Variants in NRG3 observed in about 807,000 individuals in gnomAD.
NRG3 encodes neuregulin 3.
In NRG3, 31 loss-of-function variants were observed where a neutral mutation model predicts 66.9. The ratio of observed to expected loss-of-function variants is 0.46; its 90% CI spans 0.35 to 0.63. The LOEUF (loss-of-function observed/expected upper bound fraction) is 0.63, where lower values mean the gene tolerates loss of function less well. Among genes scored for constraint, NRG3 ranks in the 20% least tolerant of loss-of-function variants. NRG3 has a pLI of 0.00. For missense variants in NRG3, 910 were observed against 878.9 expected (o/e 1.04, Z -0.45); for synonymous variants, 393 against 359.4 (o/e 1.09, Z -1.06).
intron 1 of NRG3, among the ~76,000 whole-genome samples, chr10:82,295,975 G>T (rs985428674): frequency 1.3e-5 from 2 of 152,068 alleles, no homozygotes; most frequent in African/African-American, 4.8e-5. Context: ...TATAGTAAGT[G>T]CTGTGAAGAA....
intron 2 of NRG3, among the ~76,000 whole-genome samples, chr10:82,552,524 C>T (rs1325964079): frequency 1.3e-5 from 2 of 152,148 alleles, no homozygotes; most frequent in African/African-American, 4.8e-5. Context: ...TATTATTCAG[C>T]GTAATGCTCC....
At chr10:82,916,764 T>A (rs186087702) in intron 4 of NRG3, among the ~76,000 whole-genome samples, 80 of 152,156 alleles carry the variant, frequency 5.3e-4, no homozygotes, top group East Asian at 2.5e-3. Flanking sequence ...TATAGGCGCG[T>A]GCCACCACGC....
chr10:81,892,270 A>G lies in NRG3; in HGVS notation c.823+16107A>G, dbSNP rs1194978175. ...ACACACACTTTATGTAAATATATAC[A>G]TATATGTAGGGGTATATATATATAC... is the stretch of plus-strand genomic sequence containing the variant. On this transcript the variant is annotated intron_variant, in intron 1 of 8. Transcript: ENST00000372141. 2.0e-5 allele frequency among the ~76,000 whole-genome samples: 3 copies of G among 152,080 alleles called. No homozygotes were observed. In the East Asian group the frequency reaches 5.8e-4, roughly 29 times the overall value.
rs367558771 is a variant in NRG3, at chr10:82,674,743, C to A, written c.954-63834C>A. On this transcript the variant is annotated intron_variant, in intron 2 of 8. Coordinates refer to ENST00000372141, the MANE Select transcript of NRG3 (RefSeq NM_001010848.4). ...GTCTCAGATCTCTCAGATGAAGTCCCGTTTTGTTCCCCACCCCCACCTGCC... is the reference window on the plus strand; with the variant it reads ...GTCTCAGATCTCTCAGATGAAGTCCAGTTTTGTTCCCCACCCCCACCTGCC... Among the ~76,000 whole-genome samples, 6 of 151,944 alleles carry A rather than the reference C, an allele frequency of 3.9e-5. No homozygotes were observed. The East Asian group carries it at 9.7e-4, about 25-fold the overall frequency.
chr10:82,751,317 C>A (rs1001072446), intron 3 of NRG3, among the ~76,000 whole-genome samples: 1 of 152,026 alleles, frequency 6.6e-6, no homozygotes, highest in Non-Finnish European at 1.5e-5. Context: ...GTGCTTTAAA[C>A]CATGAGAAGG....
intron 1 of NRG3, among the ~76,000 whole-genome samples, chr10:82,103,349 A>T (rs2066876451): frequency 6.6e-6 from 1 of 152,154 alleles, no homozygotes; most frequent in Non-Finnish European, 1.5e-5. Context: ...TGAGTTCTGA[A>T]CATATTGTGA....
At chr10:81,912,000 A>C (rs551125150) in intron 1 of NRG3, among the ~76,000 whole-genome samples, 1 of 152,316 alleles carries the variant, frequency 6.6e-6, no homozygotes, top group South Asian at 2.1e-4. Context: ...AGTGCAGGCA[A>C]GGAGAAAGAT....
chr10:82,004,825 G>A (rs900631399), intron 1 of NRG3, among the ~76,000 whole-genome samples: 9 of 152,160 alleles, frequency 5.9e-5, no homozygotes, highest in Admixed American at 3.3e-4. Flanking sequence ...GATGATGGAC[G>A]TCTGTGAGCC....
intron 2 of NRG3, among the ~76,000 whole-genome samples, chr10:82,521,629 G>A (rs149190076): frequency 0.011 from 1,675 of 152,192 alleles, 15 homozygotes; most frequent in Middle Eastern, 0.068. Context: ...CATGGCCACC[G>A]TGCCCGGCCA....
intron 1 of NRG3, among the ~76,000 whole-genome samples, chr10:81,923,766 CATA>C (rs1846495044): frequency 6.6e-6 from 1 of 152,136 alleles, no homozygotes. Flanking sequence ...CTCTGAACCA[CATA>C]ATGTTTTGTT....
chr10:82,957,742 CA>C (rs1850197493), intron 5 of NRG3, among the ~76,000 whole-genome samples: 1 of 149,982 alleles, frequency 6.7e-6, no homozygotes, highest in Non-Finnish European at 1.5e-5. Context: ...GATCTCAAAT[CA>C]GTTGTGTACC....
At chr10:82,793,862 C>T (rs567735596) in intron 3 of NRG3, among the ~76,000 whole-genome samples, 22 of 152,240 alleles carry the variant, frequency 1.4e-4, no homozygotes, top group African/African-American at 4.8e-4. Flanking sequence ...CCAAGCCTAA[C>T]ATTAATACCA....
At chr10:82,945,762 AG>A (rs1848961684) in intron 4 of NRG3, among the ~76,000 whole-genome samples, 1 of 152,216 alleles carries the variant, frequency 6.6e-6, no homozygotes, top group African/African-American at 2.4e-5. Flanking sequence ...CCCACTTCTT[AG>A]TACTGTTACA....
At chr10:82,865,557 A>T in intron 4 of NRG3, 120 bp downstream of exon 4, 1 of 984,202 alleles carries the variant, frequency 1.0e-6, no homozygotes, top group Non-Finnish European at 1.5e-6. Context: ...TGCTATTAGT[A>T]GGAAAAAATA....
At chr10:82,914,761 T>C (rs1591939451) in intron 4 of NRG3, among the ~76,000 whole-genome samples, 1 of 151,778 alleles carries the variant, frequency 6.6e-6, no homozygotes. Context: ...TTTTTTTTTT[T>C]TCCCCACACC....
At chr10:82,685,167 C>T (rs2054421519) in intron 2 of NRG3, among the ~76,000 whole-genome samples, 1 of 152,168 alleles carries the variant, frequency 6.6e-6, no homozygotes, top group South Asian at 2.1e-4. Context: ...ACACCCTCAT[C>T]TCCAAGAGCC....
intron 1 of NRG3, among the ~76,000 whole-genome samples, chr10:82,091,557 T>C (rs2066026755): frequency 6.6e-6 from 1 of 152,200 alleles, no homozygotes; most frequent in South Asian, 2.1e-4. Context: ...TATCTGTTCA[T>C]CTGCTAAATA....
At chr10:82,215,092 A>T (rs1223222211) in intron 1 of NRG3, among the ~76,000 whole-genome samples, 2 of 152,216 alleles carry the variant, frequency 1.3e-5, no homozygotes, top group African/African-American at 4.8e-5. Flanking sequence ...CAATGAGTAG[A>T]AATTAATTTT....
intron 4 of NRG3, among the ~76,000 whole-genome samples, chr10:82,923,463 G>A (rs1447133867): frequency 1.3e-5 from 2 of 152,140 alleles, no homozygotes; most frequent in African/African-American, 4.8e-5. Context: ...CCCTCTACTA[G>A]CTTGGAAAAA....
Sources: gnomAD v4.1 joint callset for allele counts (sites outside exome capture counted in the v4.1 genomes callset) on GRCh38, gnomAD v4.1.1 for gene constraint, MANE v1.5 for transcripts, NCBI Gene and HGNC (gene_info 2026-07-23, HGNC 2026-07-21) for gene names.